The following SASH1 variants were observed in gnomAD, a reference collection of about 807,000 sequenced individuals.
SASH1 encodes SAM and SH3 domain-containing protein 1.
A neutral mutation model predicts 125.2 loss-of-function variants in SASH1; 44 were observed. The ratio of observed to expected loss-of-function variants is 0.35; its 90% confidence interval spans 0.28 to 0.45. SASH1 has a LOEUF of 0.45. SASH1 is among the 20% of genes least tolerant of loss of function. SASH1 has a pLI of 1.00. For missense variants in SASH1, 1,426 were observed against 1,614.5 expected (o/e 0.88, Z 2.00); for synonymous variants, 639 against 649.1 (o/e 0.98, Z 0.24).
the SASH1 span, among the ~76,000 whole-genome samples, chr6:148,208,909 T>G: frequency 6.6e-6 from 1 of 152,228 alleles, no homozygotes; most frequent in African/African-American, 2.4e-5. Context: ...CCATTTGCTA[T>G]AATACCTTTA....
At chr6:148,460,769 C>T (rs1002765734) in intron 4 of SASH1, among the ~76,000 whole-genome samples, 4 of 152,106 alleles carry the variant, frequency 2.6e-5, no homozygotes, top group African/African-American at 9.7e-5. Flanking sequence ...CATGCTTAAT[C>T]ATTATGTGTG....
chr6:148,196,333 C>T, the SASH1 span, among the ~76,000 whole-genome samples: 1 of 152,206 alleles, frequency 6.6e-6, no homozygotes, highest in African/African-American at 2.4e-5. Flanking sequence ...TGGTCCAGGA[C>T]AGTTGGTAGA....
chr6:148,321,632 C>T (rs554326985), intron 1 of SASH1, among the ~76,000 whole-genome samples: 28 of 152,294 alleles, frequency 1.8e-4, no homozygotes, highest in African/African-American at 6.7e-4. Flanking sequence ...ATGTGTCTGT[C>T]TCCCTCACTA....
intron 8 of SASH1, among the ~76,000 whole-genome samples, chr6:148,511,322 A>G (rs1029968905): frequency 2.1e-4 from 23 of 107,608 alleles, no homozygotes; most frequent in African/African-American, 7.7e-4. Context: ...TTAATTTTCT[A>G]TTACACACAC....
At chr6:148,330,887 C>T (rs1008630209) in intron 1 of SASH1, among the ~76,000 whole-genome samples, 4 of 152,074 alleles carry the variant, frequency 2.6e-5, no homozygotes, top group African/African-American at 7.2e-5. Context: ...TGCCTGGCCC[C>T]TTTTTTATTT....
At chr6:148,431,323 C>T (rs779983841) in intron 2 of SASH1, among the ~76,000 whole-genome samples, 5 of 152,108 alleles carry the variant, frequency 3.3e-5, no homozygotes, top group African/African-American at 7.2e-5. Context: ...CTTAGCCTCC[C>T]TAGTGGCTGG....
At chr6:148,443,934 G>A (rs1446162628) in intron 4 of SASH1, among the ~76,000 whole-genome samples, 1 of 152,216 alleles carries the variant, frequency 6.6e-6, no homozygotes, top group Non-Finnish European at 1.5e-5. Context: ...TGTCTGGTTG[G>A]TGTCTGCAAA....
At chr6:148,493,635 T>G (rs1433218209) in intron 8 of SASH1, among the ~76,000 whole-genome samples, 1 of 152,208 alleles carries the variant, frequency 6.6e-6, no homozygotes. Context: ...TTTCATAGGC[T>G]TCCCCACCCC....
At position 148,394,451 on chromosome 6, in the gene SASH1, G is replaced by A. The variant is rs182374990; in HGVS notation, c.285+4189G>A. 5.9e-5 allele frequency among the ~76,000 whole-genome samples: 9 copies of A among 152,234 alleles called. No individual in the cohort carries two copies. In the South Asian group the frequency reaches 1.0e-3, roughly 18 times the overall value. ...TGGGAACTCATTTCCTTGAAAAGCT[G>A]TGACTTCCAGTCTGTCATGTTCCCT... is the stretch of plus-strand genomic sequence containing the variant. On this transcript the variant is annotated intron_variant, in intron 2 of 19. Coordinates refer to ENST00000367467, the MANE Select transcript of SASH1 (RefSeq NM_015278.5).
the SASH1 span, among the ~76,000 whole-genome samples, chr6:148,194,287 A>G: frequency 6.6e-6 from 1 of 152,148 alleles, no homozygotes; most frequent in Non-Finnish European, 1.5e-5. Flanking sequence ...CAAACAACCC[A>G]TAGTCTGGCT....
At chr6:148,438,678 A>G (rs1776397461) in intron 2 of SASH1, among the ~76,000 whole-genome samples, 1 of 143,842 alleles carries the variant, frequency 7.0e-6, no homozygotes, top group South Asian at 2.2e-4. Flanking sequence ...CAGTCATCCC[A>G]TTCTCAGATG....
At chr6:148,420,388 A>C (rs999495993) in intron 2 of SASH1, among the ~76,000 whole-genome samples, 1 of 152,222 alleles carries the variant, frequency 6.6e-6, no homozygotes, top group African/African-American at 2.4e-5. Flanking sequence ...TAAGTCCTCT[A>C]TTCACACTTG....
intron 2 of SASH1, among the ~76,000 whole-genome samples, chr6:148,431,346 C>T (rs1005093093): frequency 6.6e-6 from 1 of 152,010 alleles, no homozygotes; most frequent in African/African-American, 2.4e-5. Context: ...CTACAGATGC[C>T]GGCCTCCACG....
At chr6:148,417,439 G>T (rs1229796949) in intron 2 of SASH1, among the ~76,000 whole-genome samples, 1 of 152,150 alleles carries the variant, frequency 6.6e-6, no homozygotes, top group East Asian at 1.9e-4. Flanking sequence ...ACAAAAAATA[G>T]CTGGGTGTGG....
chr6:148,487,235 G>C (rs923847203), intron 7 of SASH1, among the ~76,000 whole-genome samples: 1 of 151,200 alleles, frequency 6.6e-6, no homozygotes, highest in Non-Finnish European at 1.5e-5. Context: ...ACTTGGAAAG[G>C]TAATTCAGAG....
At chr6:148,343,317 C>A in intron 1 of SASH1, 94 bp downstream of exon 1, 2 of 1,251,696 alleles carry the variant, frequency 1.6e-6, no homozygotes, top group Non-Finnish European at 2.2e-6. Context: ...CACTGGGCAA[C>A]CCACTCCGCA....
chr6:148,270,450 A>G (rs1742249792), upstream of SASH1, among the ~76,000 whole-genome samples: 2 of 152,230 alleles, frequency 1.3e-5, no homozygotes, highest in Admixed American at 6.5e-5. Context: ...GAGCAGAATT[A>G]AAATTGGGGA....
Position 148,532,487 on chromosome 6 carries a change from A to G in SASH1, c.1565-310A>G, listed in dbSNP as rs74672051. Among the ~76,000 whole-genome samples, 1,900 of 152,194 alleles carry G rather than the reference A, an allele frequency of 0.012. 41 individuals are homozygous for G. The highest frequency in any genetic ancestry group is 0.044 in the African/African-American group (1,817 of 41,520). On this transcript the variant is annotated intron_variant, in intron 13 of 19. Coordinates refer to ENST00000367467, the MANE Select transcript of SASH1 (RefSeq NM_015278.5). The surrounding 1 kb of genome is among the most constrained non-coding windows in gnomAD (Gnocchi z 4.7). ...AGAGAGAGTGTGCATTACCACTGAG[A>G]GGTCACGAATGTTAAGAGCAGAGTC...
chr6:148,358,733 GTTTT>G (rs10673654), intron 1 of SASH1, among the ~76,000 whole-genome samples: 1 of 120,922 alleles, frequency 8.3e-6, no homozygotes, highest in African/African-American at 3.1e-5. Flanking sequence ...CCATGTTTTT[GTTTT>G]TTTTTTTTTT....
Sources: allele counts gnomAD v4.1 joint callset (sites outside exome capture counted in the v4.1 genomes callset), GRCh38; gene constraint gnomAD v4.1.1; non-coding constraint Gnocchi (gnomAD v3.1); transcripts MANE v1.5; gene names NCBI Gene and HGNC (gene_info 2026-07-23, HGNC 2026-07-21).